VEZF1: variants seen among roughly 807,000 people sequenced by gnomAD.
VEZF1 encodes the protein putative transcription factor DB1.
VEZF1 carries 5 observed loss-of-function variants against 44.1 expected under a neutral mutation model. That is an observed-to-expected ratio of 0.11 (90% CI 0.06 to 0.24). The LOEUF is 0.24. Ranked by LOEUF, VEZF1 falls within the 10% of genes least tolerant of loss-of-function variation. VEZF1 has a pLI of 1.00. For missense variants in VEZF1, 358 were observed against 641.8 expected, an observed-to-expected ratio of 0.56 and a Z score of 4.78; for synonymous variants, 236 against 233.1, an observed-to-expected ratio of 1.01 and a Z score of -0.11.
In VEZF1 at chr17:57,979,185, G is replaced by A. The variant is rs546060814; in HGVS notation, c.1105C>T (p.Leu369=). The change falls in exon 5 of 6, where the codon CTG becomes TTG. Residue 369 remains leucine, a synonymous_variant. Transcript: ENST00000581208. The part of the protein sequence containing the change: ...WPGKQVETLR[L]WEEAVKARKK... Reference sequence around the variant, plus strand: ...CTTGCTTTAACAGCTTCTTCCCACAGTCTCAGTGTTTCTACTTGCTTCCCT... The same window carrying A: ...CTTGCTTTAACAGCTTCTTCCCACAATCTCAGTGTTTCTACTTGCTTCCCT... The A allele has an allele frequency of 8.1e-6, 13 of 1,613,616 alleles. No individual in the cohort carries two copies. The Admixed American group carries it at 1.3e-4, about 17-fold the overall frequency.
At chr17:57,985,138 ACAGAT>A in intron 1 of VEZF1, 1 of 586,590 alleles carries the variant, frequency 1.7e-6, no homozygotes, top group African/African-American at 1.9e-5. Flanking sequence ...TCAAAGGCTA[ACAGAT>A]CAGATAATAG....
At chr17:57,982,589 CAG>C in intron 2 of VEZF1, 108 bp downstream of exon 2, 1 of 1,047,894 alleles carries the variant, frequency 9.5e-7, no homozygotes, top group South Asian at 1.7e-5. Flanking sequence ...TCTAATAACA[CAG>C]GTCTGCCCAC....
chr17:57,988,080 T>C lies in VEZF1; in HGVS notation c.32A>G (p.Gln11Arg). MEANWTAFLF[Q>R]AHEASHHQQQ... ...CCCCCCCGGGGGGGCCCCCAGTACC[T>C]GGAACAGGAACGCGGTCCAGTTGGC... is the stretch of plus-strand genomic sequence containing the variant. Residue 11 changes from glutamine (Q) to arginine (R), a missense_variant and splice_region_variant, in exon 1 of 6, where the codon CAG (glutamine) becomes CGG (arginine). Physicochemically the swap from Gln to Arg is conservative, Grantham distance 43 (BLOSUM62 1). Around this residue, in one of 4 missense-constraint regions of VEZF1, gnomAD observed 22 missense variants for 17.3 expected, o/e 1.27. Coordinates refer to ENST00000581208, the MANE Select transcript of VEZF1 (RefSeq NM_007146.3). 4 of 562,924 alleles carry C rather than the reference T, an allele frequency of 7.1e-6. No homozygotes were observed. The highest frequency in any genetic ancestry group is 9.5e-6 in the Non-Finnish European group (4 of 420,470). 34.9% of individuals were successfully genotyped at this position (562,924 alleles called of 1,614,324 possible).
In VEZF1 at chr17:57,972,235, G is replaced by C. The variant is rs1157596246; in HGVS notation, c.*2238C>G. On this transcript the variant is annotated 3_prime_UTR_variant, in exon 6 of 6. Transcript: ENST00000581208. Reference sequence around the variant, plus strand: ...TTCTGACAACCACATTCTAGCTTAGGGGTAGGGCCCACACCTGCCCCCACT... The same window carrying C: ...TTCTGACAACCACATTCTAGCTTAGCGGTAGGGCCCACACCTGCCCCCACT... 6.6e-6 allele frequency: 1 copy of C among 152,184 alleles called. No homozygotes were observed. Among genetic ancestry groups the C allele is most frequent in the African/African-American group, 2.4e-5 (1 of 41,298 alleles). 9.4% of individuals were successfully genotyped at this position (152,184 alleles called of 1,614,324 possible).
intron 5 of VEZF1, 128 bp from the exon 6 acceptor site, chr17:57,975,028 A>G: frequency 9.2e-7 from 1 of 1,086,464 alleles, no homozygotes; most frequent in Non-Finnish European, 1.3e-6. Flanking sequence ...TTTTCTATCA[A>G]GCGGTCAACA....
rs780730555 is a variant in VEZF1, at chr17:57,983,301, T to C, written c.126A>G (p.Pro42=). Residue 42 remains proline, a synonymous_variant, in exon 2 of 6, where the codon CCA becomes CCG. Coordinates refer to ENST00000581208, the MANE Select transcript of VEZF1 (RefSeq NM_007146.3). The part of the protein sequence containing the change: ...SSAVEPPDQK[P]LLPIPITQKP... ...TCTGAGTTATTGGTATTGGAAGCAA[T>C]GGTTTCTGATCAGGGGGCTCCACGG... 1.9e-6 allele frequency: 3 copies of C among 1,614,214 alleles called. No individual in the cohort carries two copies. The highest frequency in any genetic ancestry group is 1.1e-5 in the South Asian group (1 of 91,088).
In VEZF1 at chr17:57,988,221, G is replaced by A. The variant is rs542073771; in HGVS notation, c.-110C>T. ...CGGCGGCGGCGGCAACGGCAGCGGCGGCTCCTCAACATGGCAGCGCCGAGC... is the reference window on the plus strand; with the variant it reads ...CGGCGGCGGCGGCAACGGCAGCGGCAGCTCCTCAACATGGCAGCGCCGAGC... On this transcript the variant is annotated 5_prime_UTR_variant, in exon 1 of 6. Coordinates refer to ENST00000581208, the MANE Select transcript of VEZF1 (RefSeq NM_007146.3). 21 of 224,138 alleles carry A rather than the reference G, an allele frequency of 9.4e-5. No individual in the cohort carries two copies. The highest frequency in any genetic ancestry group is 4.9e-4 in the Admixed American group (8 of 16,358). 13.9% of individuals were successfully genotyped at this position (224,138 alleles called of 1,614,324 possible).
chr17:57,987,816 A>AGT (rs890111460), intron 1 of VEZF1, among the ~76,000 whole-genome samples: 10 of 150,476 alleles, frequency 6.6e-5, no homozygotes, highest in East Asian at 2.0e-4. Flanking sequence ...GGTGTGTGTG[A>AGT]GTGTGTGTGT....
chr17:57,985,526 T>C, intron 1 of VEZF1: 1 of 842,888 alleles, frequency 1.2e-6, no homozygotes, highest in African/African-American at 1.8e-5. Flanking sequence ...TGATTTATTT[T>C]AAAAATATAA....
intron 1 of VEZF1, among the ~76,000 whole-genome samples, chr17:57,985,700 G>T (rs2075287869): frequency 6.6e-6 from 1 of 152,160 alleles, no homozygotes. Flanking sequence ...AGGGTAGTAG[G>T]ATATGGCACC....
At chr17:57,983,774 C>T (rs2075272097) in intron 1 of VEZF1, among the ~76,000 whole-genome samples, 1 of 152,120 alleles carries the variant, frequency 6.6e-6, no homozygotes, top group South Asian at 2.1e-4. Flanking sequence ...TTAATAGTAC[C>T]TTACTGCAGC....
intron 5 of VEZF1, among the ~76,000 whole-genome samples, chr17:57,976,765 AG>A (rs1294625980): frequency 3.3e-5 from 5 of 152,172 alleles, no homozygotes; most frequent in African/African-American, 1.2e-4. Context: ...TAAACAACCA[AG>A]TCTTATTGTG....
At chr17:57,987,431 TAC>T (rs2075306665) in intron 1 of VEZF1, among the ~76,000 whole-genome samples, 1 of 151,544 alleles carries the variant, frequency 6.6e-6, no homozygotes, top group African/African-American at 2.4e-5. Context: ...GGGGAGGGGA[TAC>T]ACACTCACAA....
chr17:57,977,287 TTTGTTGTTG>T (rs796748911), intron 5 of VEZF1, among the ~76,000 whole-genome samples: 1 of 151,970 alleles, frequency 6.6e-6, no homozygotes, highest in African/African-American at 2.4e-5. Flanking sequence ...CGGCTAATTT[TTTGTTGTTG>T]TTGTTGTTTT....
Position 57,980,927 on chromosome 17 carries a change from A to G in VEZF1, c.793-141T>C. ...ATTTTAATTGCATATGTTACCTAGAATCATAATCATAATAAAACTCTTGAT... is the reference window on the plus strand; with the variant it reads ...ATTTTAATTGCATATGTTACCTAGAGTCATAATCATAATAAAACTCTTGAT... On this transcript the variant is annotated intron_variant, in intron 3 of 5. Coordinates refer to ENST00000581208, the MANE Select transcript of VEZF1 (RefSeq NM_007146.3). The G allele has an allele frequency of 4.0e-6, 3 of 744,940 alleles. No individual in the cohort carries two copies. The East Asian group carries it at 8.2e-5, about 20-fold the overall frequency. The allele number at this position is 744,940 out of a possible 1,614,324, so 46.1% of individuals were successfully genotyped here. A position where few individuals can be genotyped will look rare whatever the true frequency, so the allele number is the denominator to read the frequency against.
chr17:57,981,831 G>A (rs369108755), intron 3 of VEZF1, 42 bp downstream of exon 3: 229 of 1,569,410 alleles, frequency 1.5e-4, no homozygotes, highest in African/African-American at 3.5e-4. Context: ...TGGATAATGT[G>A]CATTAAGTGC....
intron 3 of VEZF1, among the ~76,000 whole-genome samples, chr17:57,981,373 C>T (rs551445315): frequency 6.6e-6 from 1 of 152,172 alleles, no homozygotes; most frequent in South Asian, 2.1e-4. Flanking sequence ...TTAATGTTTT[C>T]GTTATTATAA....
intron 5 of VEZF1, among the ~76,000 whole-genome samples, chr17:57,977,725 T>C (rs1197353528): frequency 1.3e-5 from 2 of 151,696 alleles, no homozygotes; most frequent in Non-Finnish European, 2.9e-5. Flanking sequence ...ATGCCTGTAA[T>C]CCCAGCTACT....
chr17:57,979,837 G>GT (rs1491346726), intron 4 of VEZF1, among the ~76,000 whole-genome samples: 5 of 151,948 alleles, frequency 3.3e-5, no homozygotes, highest in Admixed American at 3.3e-4. Context: ...GGGCATGGCA[G>GT]TGTGCACCTG....
Sources: gnomAD v4.1 joint callset for allele counts (sites outside exome capture counted in the v4.1 genomes callset) on GRCh38, gnomAD v4.1.1 for gene constraint, gnomAD v4.1.1 regional missense constraint, MANE v1.5 for transcripts, NCBI Gene and HGNC (gene_info 2026-07-23, HGNC 2026-07-21) for gene names.